Variants in DIP2A observed in about 807,000 individuals in gnomAD.
The protein encoded by DIP2A is disco-interacting protein 2 homolog A.
In DIP2A, 85 loss-of-function variants were observed where a neutral mutation model predicts 177.4. That is an observed-to-expected ratio of 0.48 (90% CI 0.40 to 0.57). DIP2A has a LOEUF of 0.57. Among genes scored for constraint, DIP2A ranks in the 20% least tolerant of loss-of-function variants. DIP2A has a pLI of 0.00. For synonymous variants in DIP2A, 886 were observed against 881.8 expected (o/e 1.00, Z -0.08); for missense variants, 1,791 against 2,100.2 (o/e 0.85, Z 2.88).
chr21:46,472,466 A>G (rs1601367325), intron 1 of DIP2A, among the ~76,000 whole-genome samples: 1 of 152,232 alleles, frequency 6.6e-6, no homozygotes, highest in East Asian at 1.9e-4. Context: ...TGGCAATATC[A>G]TGAAATGTGT....
chr21:46,567,153 C>A (rs2060861308), intron 37 of DIP2A, among the ~76,000 whole-genome samples: 1 of 152,226 alleles, frequency 6.6e-6, no homozygotes, highest in Admixed American at 6.5e-5. Context: ...GTACAGCTTT[C>A]AGCATCAGAT....
chr21:46,494,876 G>C (rs2057218951), intron 3 of DIP2A, among the ~76,000 whole-genome samples: 1 of 152,146 alleles, frequency 6.6e-6, no homozygotes, highest in South Asian at 2.1e-4. Flanking sequence ...AGGATAAGAA[G>C]TTCTAGGTTC....
At chr21:46,477,561 GTGTGTGTATTTCTTTT>G (rs1290704338) in intron 1 of DIP2A, among the ~76,000 whole-genome samples, 1 of 134,482 alleles carries the variant, frequency 7.4e-6, no homozygotes. Context: ...GTGTGTGTGT[GTGTGTGTATTTCTTTT>G]TTTTTTTTTT....
chr21:46,563,967 C>T lies in DIP2A; in HGVS notation c.4164+35C>T. ...GGCCCATGGGAGGGGCTTGAGCTCT[C>T]CAGCCTCACCAGCTTCACCTTCCTT... On this transcript the variant is annotated intron_variant, in intron 35 of 37. Transcript: ENST00000417564. The surrounding 1 kb of genome is among the most constrained non-coding windows in gnomAD (Gnocchi z 4.3). The T allele has an allele frequency of 6.9e-6, 11 of 1,584,350 alleles. No individual in the cohort carries two copies. The highest frequency in any genetic ancestry group is 9.4e-6 in the Non-Finnish European group (11 of 1,167,718).
At chr21:46,558,468 G>A (rs1342705980) in intron 32 of DIP2A, 75 bp downstream of exon 32, 4 of 1,454,370 alleles carry the variant, frequency 2.8e-6, no homozygotes, top group South Asian at 1.2e-5. Context: ...AGTTGTTAAT[G>A]TGCCGTTTTG....
At chr21:46,572,483 G>A (rs1187602772), downstream of DIP2A, among the ~76,000 whole-genome samples, 1 of 152,140 alleles carries the variant, frequency 6.6e-6, no homozygotes, top group African/African-American at 2.4e-5. Context: ...GTATTAAGAG[G>A]TGGGGCCCTT....
At chr21:46,544,301 T>G (rs929861607) in intron 18 of DIP2A, among the ~76,000 whole-genome samples, 1 of 151,960 alleles carries the variant, frequency 6.6e-6, no homozygotes, top group African/African-American at 2.4e-5. Flanking sequence ...AAGGCGCACA[T>G]GTACAAATTG....
At chr21:46,495,244 T>TTCTCTCTCTCTCTCTCTCTCTCTCTC (rs371550332) in intron 3 of DIP2A, among the ~76,000 whole-genome samples, 2 of 38,206 alleles carry the variant, frequency 5.2e-5, no homozygotes, top group Non-Finnish European at 4.9e-5. Flanking sequence ...CTTCTCTTCT[T>TTCTCTCTCTCTCTCTCTCTCTCTCTC]TCTCTCTCTC....
Position 46,554,530 on chromosome 21 carries a change from G to A in DIP2A, c.3155-45G>A, listed in dbSNP as rs112116748. ...GAACAGTGAACAGAGGCTGGTGGGA[G>A]CCTCTTGCGGCCGGCCTCCTCACAG... is the stretch of plus-strand genomic sequence containing the variant. On this transcript the variant is annotated intron_variant, in intron 26 of 37. Coordinates refer to ENST00000417564, the MANE Select transcript of DIP2A (RefSeq NM_015151.4). The A allele has an allele frequency of 4.1e-4, 651 of 1,597,310 alleles. 8 individuals carry two copies. The African/African-American group carries it at 5.1e-3, about 13-fold the overall frequency.
chr21:46,557,240 A>G lies in DIP2A; in HGVS notation c.3629+171A>G, dbSNP rs76901207. 0.067 allele frequency: 49,208 copies of G among 729,164 alleles called. 2,065 individuals carry two copies. The highest frequency in any genetic ancestry group is 0.083 in the Non-Finnish European group (38,037 of 460,126). 45.2% of individuals were successfully genotyped at this position (729,164 alleles called of 1,614,324 possible). A position where few individuals can be genotyped will look rare whatever the true frequency, so the allele number is the denominator to read the frequency against. ...GAGTCTGAGTCTGAAATTGAGTGAA[A>G]ATACATTTTTCATTAAATACACTGT... is the stretch of plus-strand genomic sequence containing the variant. On this transcript the variant is annotated intron_variant, in intron 30 of 37. Coordinates refer to ENST00000417564, the MANE Select transcript of DIP2A (RefSeq NM_015151.4). This position sits in a 1 kb window ranked among gnomAD's most constrained non-coding sequence, Gnocchi z 6.0.
intron 8 of DIP2A, among the ~76,000 whole-genome samples, chr21:46,524,009 A>G (rs1191964555): frequency 6.6e-6 from 1 of 152,228 alleles, no homozygotes; most frequent in Non-Finnish European, 1.5e-5. Flanking sequence ...ACGCTGAATC[A>G]AAAGTTCAGG....
chr21:46,532,321 G>A (rs1002625009), intron 10 of DIP2A, 84 bp downstream of exon 10: 16 of 1,118,802 alleles, frequency 1.4e-5, no homozygotes, highest in Non-Finnish European at 2.1e-5. Flanking sequence ...CACTCATGTG[G>A]GCAGGCAGCA....
chr21:46,461,271 C>CAAAAAAAAAGAAAAA (rs2054280006), intron 1 of DIP2A, among the ~76,000 whole-genome samples: 1 of 49,312 alleles, frequency 2.0e-5, no homozygotes, highest in South Asian at 1.4e-3. Flanking sequence ...CTCTTCTCAC[C>CAAAAAAAAAGAAAAA]AAAAAAAAAA....
Position 46,534,700 on chromosome 21 carries a change from G to C in DIP2A, c.1642+13G>C, listed in dbSNP as rs748101773. 1 of 1,601,250 alleles carries C rather than the reference G, an allele frequency of 6.2e-7. No homozygotes were observed. Among genetic ancestry groups the C allele is most frequent in the Admixed American group, 1.7e-5 (1 of 59,434 alleles). ...GGGTACTCAGAAGGTAAGGGCTCTCGGGGGTGGGGCGGTGGCCCCTCCAGC... is the reference window on the plus strand; with the variant it reads ...GGGTACTCAGAAGGTAAGGGCTCTCCGGGGTGGGGCGGTGGCCCCTCCAGC... On this transcript the variant is annotated intron_variant, in intron 13 of 37. Coordinates refer to ENST00000417564, the MANE Select transcript of DIP2A (RefSeq NM_015151.4).
intron 1 of DIP2A, among the ~76,000 whole-genome samples, chr21:46,461,811 G>T (rs913437032): frequency 6.6e-6 from 1 of 151,920 alleles, no homozygotes; most frequent in Admixed American, 6.6e-5. Flanking sequence ...TGTTATGTTT[G>T]CATTTTGGGA....
chr21:46,501,017 A>G (rs903565226), intron 5 of DIP2A, among the ~76,000 whole-genome samples: 2 of 152,170 alleles, frequency 1.3e-5, no homozygotes, highest in African/African-American at 2.4e-5. Context: ...CAGGATTGCA[A>G]TTTTCTACAG....
intron 1 of DIP2A, among the ~76,000 whole-genome samples, chr21:46,468,198 G>A (rs904281600): frequency 1.3e-5 from 2 of 150,616 alleles, no homozygotes; most frequent in African/African-American, 4.9e-5. Context: ...CCCAGGAGCC[G>A]GAGGCTGCAG....
intron 3 of DIP2A, among the ~76,000 whole-genome samples, chr21:46,492,660 G>T (rs1352267104): frequency 6.6e-6 from 1 of 152,108 alleles, no homozygotes; most frequent in African/African-American, 2.4e-5. Flanking sequence ...TGGGATCGGT[G>T]CCCTTATAAG....
intron 36 of DIP2A, among the ~76,000 whole-genome samples, chr21:46,566,208 T>A (rs1233147418): frequency 1.3e-5 from 2 of 152,024 alleles, no homozygotes; most frequent in African/African-American, 2.4e-5. Context: ...GCACAACCCA[T>A]TTAAGGTTGT....
Sources: allele counts gnomAD v4.1 joint callset (sites outside exome capture counted in the v4.1 genomes callset), GRCh38; gene constraint gnomAD v4.1.1; non-coding constraint Gnocchi (gnomAD v3.1); transcripts MANE v1.5; gene names NCBI Gene and HGNC (gene_info 2026-07-23, HGNC 2026-07-21).